The following KIAA1549L variants were observed in gnomAD, a reference collection of about 807,000 sequenced individuals.
KIAA1549L encodes the protein UPF0606 protein KIAA1549L.
Under a neutral mutation model 160.7 loss-of-function variants are expected in KIAA1549L, and 88 were observed. The observed-to-expected ratio is 0.55, with a 90% CI of 0.46 to 0.65. The LOEUF (loss-of-function observed/expected upper bound fraction) is 0.65, where lower values mean the gene tolerates loss of function less well. KIAA1549L is among the 30% of genes least tolerant of loss of function. The probability of loss-of-function intolerance (pLI) is 0.00; values close to 1 mark genes in which losing one functional copy is unlikely to be tolerated. For synonymous variants in KIAA1549L, 950 were observed against 976.7 expected (o/e 0.97, Z 0.51); for missense variants, 2,258 against 2,437.5 (o/e 0.93, Z 1.55).
intron 12 of KIAA1549L, among the ~76,000 whole-genome samples, chr11:33,592,882 A>G (rs999538495): frequency 2.0e-5 from 3 of 152,362 alleles, no homozygotes; most frequent in African/African-American, 7.2e-5. Flanking sequence ...GGAGGAATGT[A>G]CGAAACAGAT....
intron 16 of KIAA1549L, among the ~76,000 whole-genome samples, chr11:33,625,459 T>A (rs1262437603): frequency 6.6e-6 from 1 of 152,190 alleles, no homozygotes; most frequent in Non-Finnish European, 1.5e-5. Context: ...TTCTAACTGG[T>A]GTGAGATGGT....
intron 3 of KIAA1549L, among the ~76,000 whole-genome samples, chr11:33,546,022 A>G (rs1854247500): frequency 6.6e-6 from 1 of 152,192 alleles, no homozygotes. Context: ...CAGAATTGTG[A>G]GCAAGGATGG....
In KIAA1549L at chr11:33,606,635, C is replaced by T. The variant is rs1850508778; in HGVS notation, c.4880-6C>T. 1.2e-6 allele frequency: 2 copies of T among 1,613,164 alleles called. No individual in the cohort carries two copies. The highest frequency in any genetic ancestry group is 1.1e-5 in the South Asian group (1 of 90,964). On this transcript the variant is annotated splice_polypyrimidine_tract_variant and splice_region_variant and intron_variant, in intron 13 of 20. Transcript: ENST00000658780. ...ATAAAATCGATGTGTTTATGTTGTG[C>T]TTCAGTGCCAGCGAGTGACGAAGAG...
chr11:33,636,380 G>C (rs946416731), intron 16 of KIAA1549L, among the ~76,000 whole-genome samples: 1 of 139,952 alleles, frequency 7.1e-6, no homozygotes, highest in Non-Finnish European at 1.5e-5. Context: ...ACAGAGTCTC[G>C]CTGTGTCACC....
At chr11:33,487,389 A>G (rs1231764203) in intron 1 of KIAA1549L, among the ~76,000 whole-genome samples, 4 of 143,952 alleles carry the variant, frequency 2.8e-5, no homozygotes, top group Non-Finnish European at 6.0e-5. Flanking sequence ...GGCAGGGACC[A>G]TGGTCTATTG....
chr11:33,464,824 C>T (rs1852018426), intron 1 of KIAA1549L, among the ~76,000 whole-genome samples: 2 of 152,046 alleles, frequency 1.3e-5, no homozygotes, highest in South Asian at 2.1e-4. Context: ...CTTCCCCCAC[C>T]TCCTTGTGCT....
chr11:33,496,663 C>A (rs959381472), intron 1 of KIAA1549L, among the ~76,000 whole-genome samples: 1 of 152,162 alleles, frequency 6.6e-6, no homozygotes, highest in Non-Finnish European at 1.5e-5. Flanking sequence ...ACTTCAACAA[C>A]AACCCGCTCC....
intron 1 of KIAA1549L, among the ~76,000 whole-genome samples, chr11:33,519,191 C>T (rs1404526413): frequency 6.6e-6 from 1 of 152,102 alleles, no homozygotes; most frequent in Non-Finnish European, 1.5e-5. Context: ...CACTACCCTG[C>T]AAGTGATCTA....
At chr11:33,611,344 A>G (rs2133332704) in intron 15 of KIAA1549L, among the ~76,000 whole-genome samples, 2 of 152,332 alleles carry the variant, frequency 1.3e-5, no homozygotes, top group Middle Eastern at 3.4e-3. Context: ...GTAAGTACTT[A>G]TTAAAAGCAA....
chr11:33,638,745 C>T lies in KIAA1549L; in HGVS notation c.5410-6941C>T, dbSNP rs1008678702. On this transcript the variant is annotated intron_variant, in intron 16 of 20. Coordinates refer to ENST00000658780, the MANE Select transcript of KIAA1549L (RefSeq NM_012194.3). ...TTACAAAGTTTTTGCACTGTTGCCT[C>T]TCCCACTAGCAGTATAACAGTTCTA... Among the ~76,000 whole-genome samples the T allele has an allele frequency of 2.0e-5, 3 of 152,298 alleles. No individual in the cohort carries two copies. In the South Asian group the frequency reaches 6.2e-4, roughly 32 times the overall value.
intron 13 of KIAA1549L, 173 bp downstream of exon 13, chr11:33,599,120 C>T (rs943541961): frequency 4.0e-5 from 24 of 595,564 alleles, no homozygotes; most frequent in South Asian, 7.0e-5. Flanking sequence ...CTTGGGTTCT[C>T]ACCTTACCCC....
intron 1 of KIAA1549L, among the ~76,000 whole-genome samples, chr11:33,391,727 T>C (rs1342902227): frequency 6.6e-6 from 1 of 152,214 alleles, no homozygotes; most frequent in East Asian, 1.9e-4. Context: ...CACTGGGAGA[T>C]GCAGGGAGGA....
chr11:33,436,195 C>T (rs190972445), intron 1 of KIAA1549L, among the ~76,000 whole-genome samples: 14 of 151,876 alleles, frequency 9.2e-5, no homozygotes, highest in Non-Finnish European at 2.1e-4. Flanking sequence ...AACTGATCCC[C>T]CATAGATACT....
chr11:33,393,679 A>G (rs1850314870), intron 1 of KIAA1549L, among the ~76,000 whole-genome samples: 1 of 152,210 alleles, frequency 6.6e-6, no homozygotes, highest in South Asian at 2.1e-4. Flanking sequence ...CATAGAAGAC[A>G]ATGTTCAGGA....
intron 9 of KIAA1549L, 135 bp from the exon 10 acceptor site, chr11:33,574,567 G>C (rs1032160429): frequency 1.5e-6 from 1 of 678,142 alleles, no homozygotes; most frequent in Non-Finnish European, 2.4e-6. Context: ...GCTGGATATA[G>C]GGAGGTATGT....
At chr11:33,442,797 G>T (rs953855049) in intron 1 of KIAA1549L, among the ~76,000 whole-genome samples, 1 of 152,014 alleles carries the variant, frequency 6.6e-6, no homozygotes, top group Non-Finnish European at 1.5e-5. Context: ...CTGGCTAGAC[G>T]TGTGTTAAAC....
At chr11:33,480,521 T>C (rs1852388434) in intron 1 of KIAA1549L, among the ~76,000 whole-genome samples, 3 of 152,188 alleles carry the variant, frequency 2.0e-5, no homozygotes, top group Admixed American at 2.0e-4. Context: ...TTCATTTCTC[T>C]TTGGTGTATA....
intron 16 of KIAA1549L, among the ~76,000 whole-genome samples, chr11:33,628,635 T>G (rs1851186464): frequency 2.7e-5 from 4 of 146,620 alleles, no homozygotes; most frequent in Admixed American, 2.7e-4. Flanking sequence ...TTCCATTTGC[T>G]TGGTAGATCT....
chr11:33,491,252 T>C lies in KIAA1549L; in HGVS notation c.239-50550T>C, dbSNP rs536025495. Among the ~76,000 whole-genome samples, 34 of 152,320 alleles carry C rather than the reference T, an allele frequency of 2.2e-4. No individual in the cohort carries two copies. In the South Asian group the frequency reaches 7.1e-3, roughly 32 times the overall value. ...GGAACCATCAAGGGCATAGCATGTGTAGGGTGGTATGTGAAAACCGTGCTG... is the reference window on the plus strand; with the variant it reads ...GGAACCATCAAGGGCATAGCATGTGCAGGGTGGTATGTGAAAACCGTGCTG... On this transcript the variant is annotated intron_variant, in intron 1 of 20. Coordinates refer to ENST00000658780, the MANE Select transcript of KIAA1549L (RefSeq NM_012194.3).
Sources: allele counts gnomAD v4.1 joint callset (sites outside exome capture counted in the v4.1 genomes callset), GRCh38; gene constraint gnomAD v4.1.1; transcripts MANE v1.5; gene names NCBI Gene and HGNC (gene_info 2026-07-23, HGNC 2026-07-21).